The following TBL1XR1 variants were observed in gnomAD, a reference collection of about 807,000 sequenced individuals.
TBL1XR1 encodes the protein TBL1X/Y related 1.
Under a neutral mutation model 66.9 loss-of-function variants are expected in TBL1XR1, and 5 were observed. That is an observed-to-expected ratio of 0.07 (90% CI 0.04 to 0.16). The LOEUF is 0.16. Among genes scored for constraint, TBL1XR1 ranks in the 10% least tolerant of loss-of-function variants. The pLI, the probability that TBL1XR1 is intolerant of heterozygous loss-of-function variation, is 1.00. For missense variants in TBL1XR1, 238 were observed against 623.2 expected (o/e 0.38, Z 6.58); for synonymous variants, 210 against 206.0 (o/e 1.02, Z -0.17).
chr3:177,115,245 A>G (rs1203779315), intron 1 of TBL1XR1, among the ~76,000 whole-genome samples: 1 of 152,090 alleles, frequency 6.6e-6, no homozygotes, highest in Non-Finnish European at 1.5e-5. Flanking sequence ...TTCCTGCAAT[A>G]CTATATGGAT....
At chr3:177,048,456 C>T (rs1391212200) in intron 7 of TBL1XR1, among the ~76,000 whole-genome samples, 1 of 152,174 alleles carries the variant, frequency 6.6e-6, no homozygotes, top group African/African-American at 2.4e-5. Context: ...AGCCATTTAG[C>T]AGTATGGCTA....
chr3:177,176,744 G>A (rs755157668), intron 1 of TBL1XR1, among the ~76,000 whole-genome samples: 9 of 152,076 alleles, frequency 5.9e-5, no homozygotes, highest in Non-Finnish European at 1.2e-4. Flanking sequence ...GAACACGGGA[G>A]GCAGAGGTTG....
intron 2 of TBL1XR1, among the ~76,000 whole-genome samples, chr3:177,095,517 T>G (rs62298940): frequency 0.064 from 9,605 of 150,590 alleles, 411 homozygotes; most frequent in South Asian, 0.17. Context: ...TTTGAGATGG[T>G]GTCTCACTTG....
intron 1 of TBL1XR1, among the ~76,000 whole-genome samples, chr3:177,179,667 C>T (rs528272519): frequency 2.6e-5 from 4 of 152,286 alleles, no homozygotes; most frequent in African/African-American, 9.6e-5. Context: ...CCTTTAAATT[C>T]TACCATGTGC....
At position 177,180,235 on chromosome 3, in the gene TBL1XR1, C is replaced by CAA. The variant is rs34198735; in HGVS notation, c.-122+16884_-122+16885dup. On this transcript the variant is annotated intron_variant, in intron 1 of 15. Coordinates refer to ENST00000457928, the MANE Select transcript of TBL1XR1 (RefSeq NM_024665.7). ...CTGGTGACGGAGCAAGACTCCGTCT[C>CAA]AAAAAAAAAAAAAAAAAAAAAAGCA... Among the ~76,000 whole-genome samples, 476 of 72,008 alleles carry CAA rather than the reference C, an allele frequency of 6.6e-3. 12 individuals carry two copies. Among genetic ancestry groups the CAA allele is most frequent in the East Asian group, 0.039 (79 of 2,036 alleles). The allele number at this position is 72,008 out of a possible 152,430, so 47.2% of individuals were successfully genotyped here.
At chr3:177,121,390 T>C (rs967124935) in intron 1 of TBL1XR1, among the ~76,000 whole-genome samples, 2 of 152,156 alleles carry the variant, frequency 1.3e-5, no homozygotes, top group African/African-American at 4.8e-5. Context: ...AAAAATAAAG[T>C]CCATTGAGAA....
At chr3:177,175,647 A>G (rs986852356) in intron 1 of TBL1XR1, among the ~76,000 whole-genome samples, 8 of 152,216 alleles carry the variant, frequency 5.3e-5, no homozygotes, top group Non-Finnish European at 1.2e-4. Context: ...GAGATTCAAC[A>G]TAACGTGTTA....
At chr3:177,053,313 A>C (rs1717358306) in intron 4 of TBL1XR1, among the ~76,000 whole-genome samples, 1 of 152,208 alleles carries the variant, frequency 6.6e-6, no homozygotes, top group African/African-American at 2.4e-5. Context: ...TGAGAAAAAC[A>C]GGGAGGAGCA....
chr3:177,150,764 T>G (rs2108851421), intron 1 of TBL1XR1, among the ~76,000 whole-genome samples: 1 of 152,298 alleles, frequency 6.6e-6, no homozygotes, highest in African/African-American at 2.4e-5. Flanking sequence ...TAACAGAAAG[T>G]AATTATCTAA....
chr3:177,154,165 A>G (rs1731223803), intron 1 of TBL1XR1, among the ~76,000 whole-genome samples: 1 of 152,130 alleles, frequency 6.6e-6, no homozygotes, highest in Non-Finnish European at 1.5e-5. Flanking sequence ...GTTAACTATG[A>G]AAACAGATGA....
intron 1 of TBL1XR1, among the ~76,000 whole-genome samples, chr3:177,129,654 C>G (rs1377921685): frequency 2.6e-5 from 4 of 152,120 alleles, no homozygotes; most frequent in Non-Finnish European, 5.9e-5. Flanking sequence ...CATCTGTAGT[C>G]TGTACCTTTT....
At chr3:177,117,995 C>A (rs1577220201) in intron 1 of TBL1XR1, among the ~76,000 whole-genome samples, 1 of 152,120 alleles carries the variant, frequency 6.6e-6, no homozygotes, top group African/African-American at 2.4e-5. Flanking sequence ...AAATCAGAAA[C>A]CAGGAATCTA....
intron 1 of TBL1XR1, among the ~76,000 whole-genome samples, chr3:177,172,014 C>A (rs996788041): frequency 6.6e-6 from 1 of 152,018 alleles, no homozygotes; most frequent in African/African-American, 2.4e-5. Flanking sequence ...GCCTGTAATC[C>A]CAGCACTTTG....
intron 3 of TBL1XR1, among the ~76,000 whole-genome samples, chr3:177,056,620 G>A (rs890712948): frequency 6.6e-6 from 1 of 152,056 alleles, no homozygotes; most frequent in African/African-American, 2.4e-5. Context: ...TTCTAGCCAT[G>A]GCATTACATA....
intron 1 of TBL1XR1, among the ~76,000 whole-genome samples, chr3:177,115,293 AG>A (rs1381999151): frequency 6.6e-6 from 1 of 152,234 alleles, no homozygotes; most frequent in Non-Finnish European, 1.5e-5. Flanking sequence ...TTTAAAAATC[AG>A]GAACTTCACC....
In TBL1XR1 at chr3:177,143,365, C is replaced by T. The variant is rs150480897; in HGVS notation, c.-121-44824G>A. On this transcript the variant is annotated intron_variant, in intron 1 of 15. Transcript: ENST00000457928. Reference sequence around the variant, plus strand: ...CATAACTACAGTGAATGACAAAAATCAACTGTATCTACAAGTCAAAAAAAA... The same window carrying T: ...CATAACTACAGTGAATGACAAAAATTAACTGTATCTACAAGTCAAAAAAAA... Among the ~76,000 whole-genome samples, 378 of 151,260 alleles carry T rather than the reference C, an allele frequency of 2.5e-3. 2 individuals are homozygous for T. Among genetic ancestry groups the T allele is most frequent in the African/African-American group, 8.5e-3 (351 of 41,184 alleles).
chr3:177,087,539 T>C (rs1010125852), intron 2 of TBL1XR1, among the ~76,000 whole-genome samples: 13 of 152,168 alleles, frequency 8.5e-5, no homozygotes, highest in African/African-American at 3.1e-4. Context: ...TCTGTTTCTA[T>C]GAACCAGGAA....
chr3:177,188,157 C>T (rs1233539531), intron 1 of TBL1XR1, among the ~76,000 whole-genome samples: 1 of 151,858 alleles, frequency 6.6e-6, no homozygotes, highest in Non-Finnish European at 1.5e-5. Flanking sequence ...GTCTCGAACT[C>T]CTGACCTCGT....
rs75872295 is a variant in TBL1XR1, at chr3:177,030,781, T to C, written c.1416+2190A>G. On this transcript the variant is annotated intron_variant, in intron 14 of 15. Transcript: ENST00000457928. The stretch of plus-strand genomic sequence containing the variant: ...ATATTATTTAGATTTAGATTCACTT[T>C]CATCAACTCTGTAACTGTTGTTCAG... Among the ~76,000 whole-genome samples the C allele has an allele frequency of 5.8e-3, 891 of 152,376 alleles. 13 individuals are homozygous for C. The highest frequency in any genetic ancestry group is 0.02 in the African/African-American group (842 of 41,588).
Sources: gnomAD v4.1 joint callset for allele counts (sites outside exome capture counted in the v4.1 genomes callset) on GRCh38, gnomAD v4.1.1 for gene constraint, MANE v1.5 for transcripts, NCBI Gene and HGNC (gene_info 2026-07-23, HGNC 2026-07-21) for gene names.